Variants in SLC39A12 observed in about 807,000 individuals in gnomAD.
The protein encoded by SLC39A12 is solute carrier family 39 member 12, also known as zinc transporter ZIP12.
A neutral mutation model predicts 71.1 loss-of-function variants in SLC39A12; 63 were observed. That is an observed-to-expected ratio of 0.89 (90% CI 0.72 to 1.09). SLC39A12 has a LOEUF of 1.09. Ranked by LOEUF, SLC39A12 falls within the 50% of genes least tolerant of loss-of-function variation. SLC39A12 has a pLI of 0.00. For synonymous variants in SLC39A12, 351 were observed against 301.3 expected (o/e 1.16, Z -1.71); for missense variants, 892 against 812.6 (o/e 1.10, Z -1.19).
rs190235214 is a variant in SLC39A12 at position 18,042,838 on chromosome 10, G to A, written c.*5G>A. The A allele has an allele frequency of 1.8e-3, 2,888 of 1,599,526 alleles. 5 individuals carry two copies. Among genetic ancestry groups the A allele is most frequent in the Middle Eastern group, 5.2e-3 (31 of 6,014 alleles). ...GAGCAAAATATTAAAATATAAGTGA[G>A]GATCTTCAACATCTTTCAAAAATGC... is the stretch of plus-strand genomic sequence containing the variant. On this transcript the variant is annotated 3_prime_UTR_variant, in exon 13 of 13. Transcript: ENST00000377369.
intron 12 of SLC39A12, among the ~76,000 whole-genome samples, chr10:18,040,084 C>A (rs185325328): frequency 9.3e-4 from 141 of 152,206 alleles, no homozygotes; most frequent in African/African-American, 3.2e-3. Context: ...AAAACATATA[C>A]GTAATATATA....
chr10:18,026,736 G>T (rs1836688184), intron 12 of SLC39A12, among the ~76,000 whole-genome samples: 1 of 151,442 alleles, frequency 6.6e-6, no homozygotes, highest in African/African-American at 2.4e-5. Context: ...CTACTTTTCT[G>T]TTTTTCAAGT....
At chr10:18,004,799 C>T (rs1301966636) in intron 12 of SLC39A12, among the ~76,000 whole-genome samples, 1 of 151,990 alleles carries the variant, frequency 6.6e-6, no homozygotes, top group East Asian at 1.9e-4. Flanking sequence ...GCACTATACA[C>T]AATAGCAAAG....
chr10:18,017,475 A>G (rs142371531), intron 12 of SLC39A12, among the ~76,000 whole-genome samples: 1,670 of 152,146 alleles, frequency 0.011, 19 homozygotes, highest in Non-Finnish European at 0.016. Flanking sequence ...CGCCCGGCTA[A>G]TTTTTGTATT....
At chr10:18,015,686 A>G (rs1003378141) in intron 12 of SLC39A12, among the ~76,000 whole-genome samples, 1 of 152,148 alleles carries the variant, frequency 6.6e-6, no homozygotes, top group Non-Finnish European at 1.5e-5. Context: ...GTGGGACATA[A>G]AAAGTACAGA....
intron 5 of SLC39A12, among the ~76,000 whole-genome samples, chr10:17,980,664 T>G (rs1472971301): frequency 6.6e-6 from 1 of 152,160 alleles, no homozygotes; most frequent in Non-Finnish European, 1.5e-5. Context: ...TGAAAACAAA[T>G]TGTAAAGATT....
intron 5 of SLC39A12, among the ~76,000 whole-genome samples, chr10:17,978,774 ACTTT>A (rs1333994833): frequency 2.6e-5 from 4 of 152,332 alleles, no homozygotes; most frequent in Middle Eastern, 3.4e-3. Flanking sequence ...CCAACGTGTG[ACTTT>A]CTTTGTGATT....
At chr10:17,998,686 T>C (rs547491196) in intron 10 of SLC39A12, among the ~76,000 whole-genome samples, 1 of 152,316 alleles carries the variant, frequency 6.6e-6, no homozygotes, top group East Asian at 1.9e-4. Flanking sequence ...ATACCCATGA[T>C]TTTTAGAAGT....
rs1028320348 is a variant in SLC39A12 at position 17,968,941 on chromosome 10, G to A, written c.751+3251G>A. Among the ~76,000 whole-genome samples, 4 of 151,868 alleles carry A rather than the reference G, an allele frequency of 2.6e-5. No homozygotes were observed. In the South Asian group the frequency reaches 6.2e-4, roughly 24 times the overall value. ...ACCCATTAACTATCCCCCTCCCTCAGTACATTTCCCAACCTCTGGAAACCA... is the reference window on the plus strand; with the variant it reads ...ACCCATTAACTATCCCCCTCCCTCAATACATTTCCCAACCTCTGGAAACCA... On this transcript the variant is annotated intron_variant, in intron 4 of 12. Coordinates refer to ENST00000377369, the MANE Select transcript of SLC39A12 (RefSeq NM_001145195.2).
intron 4 of SLC39A12, among the ~76,000 whole-genome samples, chr10:17,972,685 A>G (rs893196125): frequency 6.6e-6 from 1 of 151,828 alleles, no homozygotes; most frequent in Admixed American, 6.6e-5. Flanking sequence ...ATTGGCATGG[A>G]GTATCTTTTT....
chr10:18,005,936 A>C (rs909756781), intron 12 of SLC39A12: 2 of 152,176 alleles, frequency 1.3e-5, no homozygotes, highest in Admixed American at 1.3e-4. Context: ...AGCAACTTCT[A>C]AACAAACGCA....
At chr10:17,963,822 G>A (rs1284343166) in intron 3 of SLC39A12, among the ~76,000 whole-genome samples, 1 of 152,120 alleles carries the variant, frequency 6.6e-6, no homozygotes, top group Admixed American at 6.6e-5. Context: ...AGTCACTAAC[G>A]GCTGCTCCAA....
At position 18,027,110 on chromosome 10, in the gene SLC39A12, A is replaced by G. The variant is rs1836700069; in HGVS notation, c.1948-15595A>G. Among the ~76,000 whole-genome samples, 3 of 152,216 alleles carry G rather than the reference A, an allele frequency of 2.0e-5. 1 individual carries two copies. In the South Asian group the frequency reaches 6.2e-4, roughly 32 times the overall value. ...GAACATGTTGTACTGAGTGAACAGA[A>G]TTGTGCTAAATAGGCCATTAGTAAT... On this transcript the variant is annotated intron_variant, in intron 12 of 12. Transcript: ENST00000377369.
chr10:17,977,927 C>A lies in SLC39A12; in HGVS notation c.777C>A (p.Leu259=). The A allele has an allele frequency of 6.2e-7, 1 of 1,607,004 alleles. No individual in the cohort carries two copies. The highest frequency in any genetic ancestry group is 8.5e-7 in the Non-Finnish European group (1 of 1,177,638). The change falls in exon 5 of 13, where the codon CTC becomes CTA. Residue 259 remains leucine (L), a synonymous_variant. Transcript: ENST00000377369. ...LSELDQLLNT[L]WTRSTCIKNE... is the part of the protein sequence containing the mutation. ...AACTAGACCAACTCCTCAACACTCT[C>A]TGGACCAGAAGTACTTGTATCAAAA...
At chr10:18,001,920 A>G (rs1225776466) in intron 11 of SLC39A12, 1 of 131,114 alleles carries the variant, frequency 7.6e-6, no homozygotes, top group Non-Finnish European at 1.6e-5. Flanking sequence ...GGTCTTATTC[A>G]TTCTATTTTT....
At chr10:18,036,792 A>ATTTT (rs1176352939) in intron 12 of SLC39A12, among the ~76,000 whole-genome samples, 57 of 84,580 alleles carry the variant, frequency 6.7e-4, no homozygotes, top group South Asian at 2.4e-3. Context: ...ATATATATAT[A>ATTTT]TATTTTTTTT....
At chr10:17,983,866 A>C (rs1010354098) in intron 6 of SLC39A12, among the ~76,000 whole-genome samples, 2 of 152,212 alleles carry the variant, frequency 1.3e-5, no homozygotes, top group Non-Finnish European at 2.9e-5. Context: ...AAAAGCTTTA[A>C]TTTCAAAAGT....
At chr10:18,035,658 A>C (rs187319502) in intron 12 of SLC39A12, among the ~76,000 whole-genome samples, 3,193 of 152,314 alleles carry the variant, frequency 0.021, 43 homozygotes, top group South Asian at 0.042. Context: ...CGTCAAAGTC[A>C]TTCTCCATCC....
chr10:17,963,179 A>G (rs1554848610), intron 3 of SLC39A12, among the ~76,000 whole-genome samples: 1 of 149,210 alleles, frequency 6.7e-6, no homozygotes, highest in African/African-American at 2.5e-5. Context: ...GAAAAGCAGG[A>G]AAAAAAAAAG....
Sources: allele counts gnomAD v4.1 joint callset (sites outside exome capture counted in the v4.1 genomes callset), GRCh38; gene constraint gnomAD v4.1.1; transcripts MANE v1.5; gene names NCBI Gene and HGNC (gene_info 2026-07-23, HGNC 2026-07-21).